Variants in SEPTIN6 observed in about 807,000 individuals in gnomAD.
The protein encoded by SEPTIN6 is septin-6.
A neutral mutation model predicts 33.6 loss-of-function variants in SEPTIN6; 8 were observed. The ratio of observed to expected loss-of-function variants is 0.24; its 90% confidence interval spans 0.14 to 0.43. The LOEUF is 0.43. Among genes scored for constraint, SEPTIN6 ranks in the 20% least tolerant of loss-of-function variants. SEPTIN6 has a pLI of 1.00. For synonymous variants in SEPTIN6, 131 were observed against 140.0 expected, an observed-to-expected ratio of 0.94 and a Z score of 0.45; for missense variants, 250 against 340.8, an observed-to-expected ratio of 0.73 and a Z score of 2.10.
intron 3 of SEPTIN6, among the ~76,000 whole-genome samples, chrX:119,653,947 T>C (rs956606985): frequency 1.8e-5 from 2 of 110,972 alleles, no homozygotes; most frequent in Non-Finnish European, 3.8e-5. Context: ...CTCATGCCTG[T>C]AATCCCAGCT....
Position 119,685,185 on chromosome X carries a change from G to C in SEPTIN6, c.30+7891C>G, listed in dbSNP as rs771991977. Among the ~76,000 whole-genome samples the C allele has an allele frequency of 1.5e-4, 17 of 112,265 alleles. 1 individual carries two copies. The South Asian group carries it at 6.2e-3, about 41-fold the overall frequency. ...CCATTAAGTAGCCGGCTCTTCTACT[G>C]CATTGAAAGCAGGATTCAATAGACA... On this transcript the variant is annotated intron_variant, in intron 1 of 10. Transcript: ENST00000394610.
rs756729336 is a variant in SEPTIN6 at position 119,633,364 on chromosome X, T to C, written c.1085A>G (p.Lys362Arg). The change falls in exon 8 of 11, where the codon AAA (lysine) becomes AGA (arginine). Residue 362 changes from lysine to arginine, a missense_variant. Transcript: ENST00000394610. ...EKEAELKEAE[K>R]ELHEKFDRLK... Reference sequence around the variant, plus strand: ...AATCACCAGGCTCACATTTACCTCTTTCTCTGCCTCTTTGAGCTCCGCTTC... The same window carrying C: ...AATCACCAGGCTCACATTTACCTCTCTCTCTGCCTCTTTGAGCTCCGCTTC... 19 of 1,206,344 alleles carry C rather than the reference T, an allele frequency of 1.6e-5. No homozygotes were observed. In the East Asian group the frequency reaches 5.6e-4, roughly 36 times the overall value.
intron 2 of SEPTIN6, among the ~76,000 whole-genome samples, chrX:119,670,883 C>T (rs1429303506): frequency 1.9e-5 from 2 of 105,591 alleles, no homozygotes; most frequent in African/African-American, 3.5e-5. Context: ...GGTTTTGGTG[C>T]GCCAAGATCG....
intron 9 of SEPTIN6, 100 bp from the exon 10 acceptor site, chrX:119,625,479 T>A: frequency 9.0e-6 from 7 of 779,031 alleles, no homozygotes; most frequent in Non-Finnish European, 1.4e-5. Flanking sequence ...TCAAAGGTGA[T>A]TAGGAGTAGC....
At chrX:119,680,636 G>C (rs1210214366) in intron 1 of SEPTIN6, among the ~76,000 whole-genome samples, 1 of 111,163 alleles carries the variant, frequency 9.0e-6, no homozygotes, top group Non-Finnish European at 1.9e-5. Context: ...TTGCTAACTG[G>C]GATTTAAGCA....
chrX:119,618,972 G>C lies in SEPTIN6; in HGVS notation c.*1121C>G. On this transcript the variant is annotated 3_prime_UTR_variant, in exon 11 of 11. Coordinates refer to ENST00000394610, the MANE Select transcript of SEPTIN6 (RefSeq NM_145799.4). ...AGATGGGACCCATGATAAAAACTTA[G>C]GGCTGGAATATTTTTAAACTCTCAA... is the stretch of plus-strand genomic sequence containing the variant. 1.0e-6 allele frequency: 1 copy of C among 971,330 alleles called. No individual in the cohort carries two copies. Among genetic ancestry groups the C allele is most frequent in the Non-Finnish European group, 1.3e-6 (1 of 771,043 alleles). 80.0% of individuals were successfully genotyped at this position (971,330 alleles called of 1,213,427 possible).
chrX:119,676,931 A>C (rs917187330), intron 1 of SEPTIN6, among the ~76,000 whole-genome samples: 86 of 111,992 alleles, frequency 7.7e-4, no homozygotes, highest in African/African-American at 2.7e-3. Flanking sequence ...CAAGTTACAT[A>C]AACTTCTTAA....
At chrX:119,646,839 C>T in intron 5 of SEPTIN6, 1 of 264,247 alleles carries the variant, frequency 3.8e-6, no homozygotes. Flanking sequence ...AGCCCAGGTC[C>T]TGAGGATGCA....
At chrX:119,663,183 G>A (rs999200752) in intron 3 of SEPTIN6, among the ~76,000 whole-genome samples, 1 of 111,968 alleles carries the variant, frequency 8.9e-6, no homozygotes, top group African/African-American at 3.2e-5. Context: ...GTCAGAGCTC[G>A]ACAGTACCTG....
chrX:119,616,004 G>C (rs183877040), downstream of SEPTIN6: 20 of 173,450 alleles, frequency 1.2e-4, no homozygotes, highest in African/African-American at 5.3e-4. Flanking sequence ...ATGGTATTTT[G>C]ATGCAAGTTA....
chrX:119,640,954 T>C (rs2054151441), intron 5 of SEPTIN6, among the ~76,000 whole-genome samples, 166 bp from the exon 6 acceptor site: 1 of 112,397 alleles, frequency 8.9e-6, no homozygotes, highest in African/African-American at 3.2e-5. Context: ...CATGTGAGGA[T>C]AAGAGGCCTA....
intron 8 of SEPTIN6, 55 bp from the exon 9 acceptor site, chrX:119,629,563 C>A (rs935686602): frequency 9.0e-7 from 1 of 1,110,674 alleles, no homozygotes; most frequent in South Asian, 1.9e-5. Context: ...AGTCCCCAGC[C>A]TGGCCAAGCC....
chrX:119,678,528 A>AT (rs1556331970), intron 1 of SEPTIN6, among the ~76,000 whole-genome samples: 68 of 110,042 alleles, frequency 6.2e-4, no homozygotes, highest in African/African-American at 2.1e-3. Flanking sequence ...CAAAAAAAAA[A>AT]AAATAAATAA....
rs1004142600 is a variant in SEPTIN6 at position 119,618,543 on chromosome X, TA to T, written c.*1549del. The T allele has an allele frequency of 6.8e-4, 558 of 820,770 alleles. No individual in the cohort carries two copies. Among genetic ancestry groups the T allele is most frequent in the Middle Eastern group, 2.1e-3 (4 of 1,931 alleles). The allele number at this position is 820,770 out of a possible 1,213,427, so 67.6% of individuals were successfully genotyped here. A position where few individuals can be genotyped will look rare whatever the true frequency, so the allele number is the denominator to read the frequency against. ...AGTAAGTGATCAAAAAAAGAAACTC[TA>T]AAAAAAAAATAGAAGTAGGTGGTCA... On this transcript the variant is annotated 3_prime_UTR_variant, in exon 11 of 11. Transcript: ENST00000394610.
In SEPTIN6 at chrX:119,618,810, G is replaced by A. The variant is rs187681951; in HGVS notation, c.*1283C>T. On this transcript the variant is annotated 3_prime_UTR_variant, in exon 11 of 11. Coordinates refer to ENST00000394610, the MANE Select transcript of SEPTIN6 (RefSeq NM_145799.4). ...TACTGCAAAGGAAGGGCAGAGAGAC[G>A]GCATGTTAGCCACAGATCATTGCCA... The A allele has an allele frequency of 3.3e-6, 4 of 1,209,471 alleles. No individual in the cohort carries two copies. The highest frequency in any genetic ancestry group is 2.2e-5 in the Admixed American group (1 of 45,861).
intron 10 of SEPTIN6, among the ~76,000 whole-genome samples, chrX:119,625,074 T>G (rs758242774): frequency 1.2e-4 from 13 of 111,689 alleles, no homozygotes; most frequent in African/African-American, 2.9e-4. Context: ...GATCACAGGA[T>G]CCACCTGTGT....
Position 119,673,285 on chromosome X carries a change from C to T in SEPTIN6, c.145+2269G>A, listed in dbSNP as rs375418459. Among the ~76,000 whole-genome samples the T allele has an allele frequency of 4.5e-5, 5 of 110,524 alleles. No homozygotes were observed. In the East Asian group the frequency reaches 1.4e-3, roughly 32 times the overall value. ...GGCTGAGGTGGGAGGAATGCTTGAG[C>T]CTGGGAGGTTGAGGCTGCAGTGAGC... On this transcript the variant is annotated intron_variant, in intron 2 of 10. Coordinates refer to ENST00000394610, the MANE Select transcript of SEPTIN6 (RefSeq NM_145799.4).
intron 1 of SEPTIN6, among the ~76,000 whole-genome samples, chrX:119,689,337 C>A (rs1461118227): frequency 8.9e-6 from 1 of 111,830 alleles, no homozygotes; most frequent in African/African-American, 3.3e-5. Context: ...CATGGAACCT[C>A]TCGAAATATA....
chrX:119,691,684 G>A (rs753959770), intron 1 of SEPTIN6, among the ~76,000 whole-genome samples: 6 of 112,391 alleles, frequency 5.3e-5, no homozygotes, highest in Non-Finnish European at 1.1e-4. Flanking sequence ...ATATTCTGTA[G>A]AGAAAATATT....
Sources: gnomAD v4.1 joint callset for allele counts (sites outside exome capture counted in the v4.1 genomes callset) on GRCh38, gnomAD v4.1.1 for gene constraint, MANE v1.5 for transcripts, NCBI Gene and HGNC (gene_info 2026-07-23, HGNC 2026-07-21) for gene names.